TMEM132B: variants seen among roughly 807,000 people sequenced by gnomAD.
TMEM132B encodes transmembrane protein 132B.
TMEM132B carries 18 observed loss-of-function variants against 90.8 expected under a neutral mutation model. The ratio of observed to expected loss-of-function variants is 0.20; its 90% CI spans 0.14 to 0.29. The LOEUF (loss-of-function observed/expected upper bound fraction) is 0.29, where lower values mean the gene tolerates loss of function less well. TMEM132B is among the 10% of genes least tolerant of loss of function. TMEM132B has a pLI of 1.00. For missense variants in TMEM132B, 1,096 were observed against 1,326.8 expected (o/e 0.83, Z 2.70); for synonymous variants, 504 against 523.3 (o/e 0.96, Z 0.50).
chr12:125,605,949 T>A (rs1245060264), intron 5 of TMEM132B, among the ~76,000 whole-genome samples: 1 of 152,124 alleles, frequency 6.6e-6, no homozygotes, highest in Non-Finnish European at 1.5e-5. Flanking sequence ...AAAGCTGGCA[T>A]CAGAAACAAG....
Position 125,467,582 on chromosome 12 carries a change from T to C in TMEM132B, c.1107-51857T>C, listed in dbSNP as rs553983082. ...CCTACACATCAGTGAAGAAATGCTTTTGTTTTGTGTAATTTTTAAATTCAG... is the reference window on the plus strand; with the variant it reads ...CCTACACATCAGTGAAGAAATGCTTCTGTTTTGTGTAATTTTTAAATTCAG... On this transcript the variant is annotated intron_variant, in intron 3 of 8. Coordinates refer to ENST00000682704, the MANE Select transcript of TMEM132B (RefSeq NM_001366854.1). 3.2e-4 allele frequency among the ~76,000 whole-genome samples: 49 copies of C among 152,364 alleles called. 1 individual carries two copies. In the South Asian group the frequency reaches 9.7e-3, roughly 30 times the overall value.
At chr12:125,316,347 G>T (rs1044438503) in intron 1 of TMEM132B, among the ~76,000 whole-genome samples, 2 of 152,152 alleles carry the variant, frequency 1.3e-5, no homozygotes, top group African/African-American at 4.8e-5. Context: ...AGCAGTGGCT[G>T]CATGGCCTGC....
rs1200720800 is a variant in TMEM132B at position 125,606,315 on chromosome 12, T to C, written c.1437+22321T>C. Among the ~76,000 whole-genome samples the C allele has an allele frequency of 5.3e-5, 3 of 56,232 alleles. No homozygotes were observed. In the East Asian group the frequency reaches 1.2e-3, roughly 22 times the overall value. The allele number at this position is 56,232 out of a possible 152,430, so 36.9% of individuals were successfully genotyped here. A position where few individuals can be genotyped will look rare whatever the true frequency, so the allele number is the denominator to read the frequency against. On this transcript the variant is annotated intron_variant, in intron 5 of 8. Coordinates refer to ENST00000682704, the MANE Select transcript of TMEM132B (RefSeq NM_001366854.1). ...GCAGGGCAAGGACTGATTTCTTTCC[T>C]TTTTTTTTTTTTTTTTGCTCATGCG...
intron 2 of TMEM132B, among the ~76,000 whole-genome samples, chr12:125,401,966 T>G (rs1183156325): frequency 6.6e-6 from 1 of 152,220 alleles, no homozygotes; most frequent in Non-Finnish European, 1.5e-5. Flanking sequence ...TTTGTCATTT[T>G]TCTTCCAGTT....
chr12:125,483,810 T>G (rs1206403893), intron 3 of TMEM132B, among the ~76,000 whole-genome samples: 1 of 152,178 alleles, frequency 6.6e-6, no homozygotes, highest in East Asian at 1.9e-4. Context: ...TTCTCAATCT[T>G]ATTCTTTGTG....
intron 5 of TMEM132B, among the ~76,000 whole-genome samples, chr12:125,605,078 A>G (rs1270687109): frequency 6.6e-6 from 1 of 152,244 alleles, no homozygotes; most frequent in Non-Finnish European, 1.5e-5. Flanking sequence ...CTTGGCCCAT[A>G]TGAATGTGAA....
chr12:125,500,989 AG>A (rs1264909320), intron 3 of TMEM132B, among the ~76,000 whole-genome samples: 3 of 152,222 alleles, frequency 2.0e-5, no homozygotes, highest in Admixed American at 6.5e-5. Flanking sequence ...AACAGAAGAC[AG>A]GTGAAGACAG....
chr12:125,399,493 G>A (rs367531), intron 2 of TMEM132B, among the ~76,000 whole-genome samples: 9 of 150,186 alleles, frequency 6.0e-5, no homozygotes, highest in African/African-American at 2.2e-4. Context: ...ATGTGTGTGT[G>A]TGTGTGTGTG....
At chr12:125,422,695 A>C (rs1880202685) in intron 3 of TMEM132B, among the ~76,000 whole-genome samples, 1 of 152,204 alleles carries the variant, frequency 6.6e-6, no homozygotes, top group Non-Finnish European at 1.5e-5. Flanking sequence ...AGACACACAG[A>C]GGAAACGGCC....
intron 3 of TMEM132B, among the ~76,000 whole-genome samples, chr12:125,463,789 A>G (rs569232182): frequency 1.3e-3 from 199 of 152,338 alleles, no homozygotes; most frequent in Non-Finnish European, 2.1e-3. Flanking sequence ...TCACACTGCT[A>G]TAAATATACT....
At chr12:125,554,831 T>A (rs760573754) in intron 4 of TMEM132B, among the ~76,000 whole-genome samples, 16 of 152,248 alleles carry the variant, frequency 1.1e-4, no homozygotes, top group Non-Finnish European at 1.9e-4. Context: ...TTAATTTAAA[T>A]GTTATTTTCA....
Position 125,654,471 on chromosome 12 carries a change from C to T in TMEM132B, c.3013C>T (p.Pro1005Ser), listed in dbSNP as rs1045843839. ...QKTFHSQLLRPSDYVYEKEIK... is the reference protein window; with the variant it reads ...QKTFHSQLLRSSDYVYEKEIK... ...GACTTTTCATAGTCAACTACTCAGA[C>T]CCTCTGACTATGTCTATGAGAAAGA... Residue 1005 changes from proline to serine, a missense_variant, in exon 9 of 9, where the codon CCC becomes TCC. Pro to Ser is a moderately conservative substitution (Grantham distance 74). Coordinates refer to ENST00000682704, the MANE Select transcript of TMEM132B (RefSeq NM_001366854.1). This position sits in a 1 kb window ranked among gnomAD's most constrained non-coding sequence, Gnocchi z 5.8. 6.2e-7 allele frequency: 1 copy of T among 1,613,776 alleles called. No individual in the cohort carries two copies. The highest frequency in any genetic ancestry group is 8.5e-7 in the Non-Finnish European group (1 of 1,180,014).
At chr12:125,526,621 C>A (rs1883469942) in intron 4 of TMEM132B, among the ~76,000 whole-genome samples, 1 of 152,212 alleles carries the variant, frequency 6.6e-6, no homozygotes, top group South Asian at 2.1e-4. Context: ...TTTGCTGCCA[C>A]AGGTGTGTGA....
In TMEM132B at chr12:125,614,361, C is replaced by T. The variant is rs146934203; in HGVS notation, c.1438-29715C>T. 4.2e-3 allele frequency among the ~76,000 whole-genome samples: 636 copies of T among 152,270 alleles called. 3 individuals carry two copies. Among genetic ancestry groups the T allele is most frequent in the African/African-American group, 0.013 (527 of 41,570 alleles). On this transcript the variant is annotated intron_variant, in intron 5 of 8. Transcript: ENST00000682704. ...GTTGCCACTTATAAGTGAGAACATGCAGTGTTTACTTTTTGGTTCTTGTGT... is the reference window on the plus strand; with the variant it reads ...GTTGCCACTTATAAGTGAGAACATGTAGTGTTTACTTTTTGGTTCTTGTGT...
chr12:125,537,526 A>G (rs779670189), intron 4 of TMEM132B, among the ~76,000 whole-genome samples: 3 of 152,082 alleles, frequency 2.0e-5, no homozygotes, highest in Non-Finnish European at 4.4e-5. Flanking sequence ...ATTCTTGACA[A>G]TGGCTGCAGT....
intron 2 of TMEM132B, among the ~76,000 whole-genome samples, chr12:125,362,971 G>A (rs1272585892): frequency 6.6e-6 from 1 of 152,094 alleles, no homozygotes; most frequent in African/African-American, 2.4e-5. Flanking sequence ...AAGTTAACTA[G>A]TCATTCTCCC....
intron 5 of TMEM132B, among the ~76,000 whole-genome samples, chr12:125,641,703 A>T (rs1160224965): frequency 3.3e-5 from 5 of 152,230 alleles, no homozygotes; most frequent in African/African-American, 1.2e-4. Flanking sequence ...AGACAGTTAC[A>T]TTATTTCATT....
At chr12:125,365,399 T>C (rs1407393931) in intron 2 of TMEM132B, among the ~76,000 whole-genome samples, 1 of 152,118 alleles carries the variant, frequency 6.6e-6, no homozygotes, top group East Asian at 1.9e-4. Context: ...GAGAATATTA[T>C]AACTTTTACT....
At chr12:125,238,927 A>G (rs1874001826) in intron 1 of TMEM132B, among the ~76,000 whole-genome samples, 1 of 152,172 alleles carries the variant, frequency 6.6e-6, no homozygotes. Flanking sequence ...CCAGTCTCTG[A>G]TGTGGCGCCT....
Sources: allele counts gnomAD v4.1 joint callset (sites outside exome capture counted in the v4.1 genomes callset), GRCh38; gene constraint gnomAD v4.1.1; non-coding constraint Gnocchi (gnomAD v3.1); transcripts MANE v1.5; gene names NCBI Gene and HGNC (gene_info 2026-07-23, HGNC 2026-07-21).